PPP2R5B: variants seen among roughly 807,000 people sequenced by gnomAD.
PPP2R5B encodes serine/threonine-protein phosphatase 2A 56 kDa regulatory subunit beta isoform.
In PPP2R5B, 19 loss-of-function variants were observed where a neutral mutation model predicts 59.9. That is an observed-to-expected ratio of 0.32 (90% CI 0.22 to 0.47). The LOEUF is 0.47. Ranked by LOEUF, PPP2R5B falls within the 20% of genes least tolerant of loss-of-function variation. The probability of loss-of-function intolerance (pLI) is 1.00; values close to 1 mark genes in which losing one functional copy is unlikely to be tolerated. For synonymous variants in PPP2R5B, 286 were observed against 260.5 expected, an observed-to-expected ratio of 1.10 and a Z score of -0.94; for missense variants, 441 against 640.2, an observed-to-expected ratio of 0.69 and a Z score of 3.36.
chr11:64,929,590 G>A (rs1468812440), intron 6 of PPP2R5B, among the ~76,000 whole-genome samples: 2 of 152,158 alleles, frequency 1.3e-5, no homozygotes, highest in Non-Finnish European at 2.9e-5. Flanking sequence ...GCTGAGTGTG[G>A]TGGTAAACAC....
chr11:64,919,695 C>T (rs1212408390), upstream of PPP2R5B, among the ~76,000 whole-genome samples: 2 of 150,306 alleles, frequency 1.3e-5, no homozygotes, highest in African/African-American at 2.5e-5. Context: ...ACTCCGGCCT[C>T]GGTGACAGAC....
At position 64,927,866 on chromosome 11, in the gene PPP2R5B, A is replaced by T. The variant is rs1365416033; in HGVS notation, c.461A>T (p.Asp154Val). ...SENPEFDPEE[D>V]EPNLEPSWPH... ...AACCCTGAATTTGACCCTGAAGAGG[A>T]TGAGCCCAATCTTGAGCCTTCGTGG... The change falls in exon 4 of 14, where the codon GAT (aspartate) becomes GTT (valine). Residue 154 changes from aspartate to valine, a missense_variant. By Grantham distance (152) the Asp-to-Val change is radical. Transcript: ENST00000164133. 6.2e-7 allele frequency: 1 copy of T among 1,612,496 alleles called. No individual in the cohort carries two copies. Among genetic ancestry groups the T allele is most frequent in the Non-Finnish European group, 8.5e-7 (1 of 1,178,648 alleles).
rs952158402 is a variant in PPP2R5B at position 64,924,884 on chromosome 11, C to CT, written c.-409_-408insT. 2 of 152,404 alleles carry CT rather than the reference C, an allele frequency of 1.3e-5. No homozygotes were observed. Among genetic ancestry groups the CT allele is most frequent in the African/African-American group, 4.8e-5 (2 of 41,456 alleles). The allele number at this position is 152,404 out of a possible 1,614,324, so 9.4% of individuals were successfully genotyped here. On this transcript the variant is annotated 5_prime_UTR_variant, in exon 1 of 14. Coordinates refer to ENST00000164133, the MANE Select transcript of PPP2R5B (RefSeq NM_006244.4). Reference sequence around the variant, plus strand: ...GTTGGGGGCATGCTCTAGCCGCCCCCCCGGAGCCCGGGAGAGAACCCAGGA... The same window carrying CT: ...GTTGGGGGCATGCTCTAGCCGCCCCCTCCGGAGCCCGGGAGAGAACCCAGGA...
Position 64,933,715 on chromosome 11 carries a change from G to T in PPP2R5B, c.1365G>T (p.Gln455His), listed in dbSNP as rs1342958764. The T allele has an allele frequency of 6.4e-7, 1 of 1,556,576 alleles. No individual in the cohort carries two copies. The highest frequency in any genetic ancestry group is 8.7e-7 in the Non-Finnish European group (1 of 1,149,702). Residue 455 changes from glutamine (Q) to histidine (H), a missense_variant, in exon 14 of 14, where the codon CAG becomes CAT. Physicochemically the swap from Gln to His is conservative, Grantham distance 24. Coordinates refer to ENST00000164133, the MANE Select transcript of PPP2R5B (RefSeq NM_006244.4). ...LEKQQEQQKA[Q>H]ERQELWQGLE... ...TCCCCAGGGAGCAGCAGAAGGCCCA[G>T]GAGCGTCAGGAGTTATGGCAAGGTC... is the stretch of plus-strand genomic sequence containing the variant.
In PPP2R5B at chr11:64,931,738, A is replaced by G; in HGVS notation, c.997-11A>G. 3.1e-6 allele frequency: 5 copies of G among 1,614,054 alleles called. No individual in the cohort carries two copies. The highest frequency in any genetic ancestry group is 3.4e-6 in the Non-Finnish European group (4 of 1,179,964). On this transcript the variant is annotated splice_polypyrimidine_tract_variant and intron_variant, in intron 10 of 13. Coordinates refer to ENST00000164133, the MANE Select transcript of PPP2R5B (RefSeq NM_006244.4). This position sits in a 1 kb window ranked among gnomAD's most constrained non-coding sequence, Gnocchi z 5.0. The stretch of plus-strand genomic sequence containing the variant: ...CCCCTCTGTCCCTACTCCCCTCCCC[A>G]ACCCACCCAGGTGATGTTTCTGGGG...
At chr11:64,930,666 C>A in intron 8 of PPP2R5B, 77 bp downstream of exon 8, 1 of 1,208,202 alleles carries the variant, frequency 8.3e-7, no homozygotes, top group Non-Finnish European at 1.2e-6. Context: ...GAGGTCAGAT[C>A]CTCCAGGGAT....
At chr11:64,921,700 T>C (rs1945111465), upstream of PPP2R5B, among the ~76,000 whole-genome samples, 1 of 152,170 alleles carries the variant, frequency 6.6e-6, no homozygotes, top group Non-Finnish European at 1.5e-5. Flanking sequence ...GGCAGGGAAC[T>C]GGGTGTCCAG....
At position 64,926,741 on chromosome 11, in the gene PPP2R5B, C is replaced by T; in HGVS notation, c.229C>T (p.Leu77=). ...GCCGGCTTCCGAGCTGCACGAGCTG[C>T]TGAGCCGGAAGCTGGCCCAGTGTGG... ...DVPASELHEL[L]SRKLAQCGVM... The change falls in exon 3 of 14, where the codon CTG becomes TTG. Residue 77 remains leucine (L), a synonymous_variant. Coordinates refer to ENST00000164133, the MANE Select transcript of PPP2R5B (RefSeq NM_006244.4). The T allele has an allele frequency of 6.2e-7, 1 of 1,614,172 alleles. No individual in the cohort carries two copies. Among genetic ancestry groups the T allele is most frequent in the Non-Finnish European group, 8.5e-7 (1 of 1,180,020 alleles).
chr11:64,933,612 G>A, intron 13 of PPP2R5B, 85 bp from the exon 14 acceptor site: 1 of 1,446,434 alleles, frequency 6.9e-7, no homozygotes, highest in Non-Finnish European at 9.2e-7. Context: ...TGCCGGTGGG[G>A]TGGTAGTGAG....
rs1945258955 is a variant in PPP2R5B, at chr11:64,934,001, G to A, written c.*157G>A. On this transcript the variant is annotated 3_prime_UTR_variant, in exon 14 of 14. Transcript: ENST00000164133. ...AGCCCAGCTTTCACTGGGGGGAGAC[G>A]AGGAGAGGCAATGGTGGTCTTGGCA... The A allele has an allele frequency of 3.3e-6, 3 of 916,762 alleles. No individual in the cohort carries two copies. Among genetic ancestry groups the A allele is most frequent in the Admixed American group, 3.6e-5 (1 of 27,588 alleles). The allele number at this position is 916,762 out of a possible 1,614,324, so 56.8% of individuals were successfully genotyped here.
At chr11:64,921,506 C>T (rs632555), upstream of PPP2R5B, among the ~76,000 whole-genome samples, 144,694 of 152,268 alleles carry the variant, frequency 0.95, 69,177 homozygotes, top group East Asian at 1. Context: ...GTATCTCCCT[C>T]CCCCCAGGGA....
At chr11:64,929,765 C>T (rs2136685905) in intron 6 of PPP2R5B, among the ~76,000 whole-genome samples, 1 of 152,278 alleles carries the variant, frequency 6.6e-6, no homozygotes, top group East Asian at 1.9e-4. Flanking sequence ...TGTACTAACT[C>T]AGGGACCATT....
chr11:64,919,396 T>C (rs1178011224), intron 1 of PPP2R5B, among the ~76,000 whole-genome samples: 1 of 151,892 alleles, frequency 6.6e-6, no homozygotes, highest in Non-Finnish European at 1.5e-5. Context: ...CTCTGCCTTC[T>C]TCCATGGCAG....
chr11:64,928,674 C>T (rs771902810), intron 6 of PPP2R5B, among the ~76,000 whole-genome samples: 18 of 152,198 alleles, frequency 1.2e-4, no homozygotes, highest in Non-Finnish European at 2.5e-4. Context: ...CTACTTGGGA[C>T]GCTGAGACAA....
At chr11:64,923,448 G>T (rs150621087), upstream of PPP2R5B, among the ~76,000 whole-genome samples, 4 of 152,336 alleles carry the variant, frequency 2.6e-5, no homozygotes, top group East Asian at 1.9e-4. Flanking sequence ...ACCAAGGGCC[G>T]GATGGGCAAG....
chr11:64,923,954 T>C (rs1945131949), upstream of PPP2R5B, among the ~76,000 whole-genome samples: 1 of 152,060 alleles, frequency 6.6e-6, no homozygotes, highest in Non-Finnish European at 1.5e-5. Context: ...CAGCAGGATT[T>C]TGAGCAAGAG....
intron 6 of PPP2R5B, among the ~76,000 whole-genome samples, chr11:64,928,808 CG>C (rs1565102491): frequency 6.6e-6 from 1 of 152,082 alleles, no homozygotes; most frequent in Admixed American, 6.5e-5. Context: ...GGCGTGAACC[CG>C]GGAAGCGGAG....
At chr11:64,933,637 G>A in intron 13 of PPP2R5B, 60 bp from the exon 14 acceptor site, 2 of 1,503,180 alleles carry the variant, frequency 1.3e-6, no homozygotes, top group Non-Finnish European at 1.8e-6. Flanking sequence ...TCTGGACTGT[G>A]AGGGAGTCTG....
At position 64,925,610 on chromosome 11, in the gene PPP2R5B, T is replaced by G; in HGVS notation, c.-125T>G. 18 of 551,976 alleles carry G rather than the reference T, an allele frequency of 3.3e-5. No homozygotes were observed. The highest frequency in any genetic ancestry group is 3.2e-4 in the Middle Eastern group (1 of 3,084). The allele number at this position is 551,976 out of a possible 1,614,324, so 34.2% of individuals were successfully genotyped here. A position where few individuals can be genotyped will look rare whatever the true frequency, so the allele number is the denominator to read the frequency against. ...CCTGGGGGGGGGCCCAGGACTGTGG[T>G]TGTGCCCCCCCCCCAAAGGCCGGAC... On this transcript the variant is annotated 5_prime_UTR_variant, in exon 2 of 14. Transcript: ENST00000164133. The surrounding 1 kb of genome is among the most constrained non-coding windows in gnomAD (Gnocchi z 4.6).
Sources: gnomAD v4.1 joint callset for allele counts (sites outside exome capture counted in the v4.1 genomes callset) on GRCh38, gnomAD v4.1.1 for gene constraint, Gnocchi (gnomAD v3.1) non-coding constraint, MANE v1.5 for transcripts, NCBI Gene and HGNC (gene_info 2026-07-23, HGNC 2026-07-21) for gene names.